SGPP2: variants seen among roughly 807,000 people sequenced by gnomAD.
SGPP2 encodes the protein sphingosine-1-phosphate phosphatase 2, also known as sphingosine 1-phosphate phosphohydrolase 2.
SGPP2 carries 30 observed loss-of-function variants against 33.9 expected under a neutral mutation model. The ratio of observed to expected loss-of-function variants is 0.89; its 90% CI spans 0.66 to 1.20. The LOEUF is 1.20. SGPP2 is among the 50% of genes most tolerant of loss of function. The pLI is 0.00. For missense variants in SGPP2, 458 were observed against 532.1 expected, an observed-to-expected ratio of 0.86 and a Z score of 1.37; for synonymous variants, 233 against 225.0, an observed-to-expected ratio of 1.04 and a Z score of -0.32.
chr2:222,462,910 A>T (rs1054862295), intron 1 of SGPP2, among the ~76,000 whole-genome samples: 1 of 152,164 alleles, frequency 6.6e-6, no homozygotes, highest in African/African-American at 2.4e-5. Flanking sequence ...GGGAAGGACC[A>T]TTGTTCCCAC....
At chr2:222,425,865 AT>A (rs1188426627) in intron 1 of SGPP2, among the ~76,000 whole-genome samples, 1 of 152,148 alleles carries the variant, frequency 6.6e-6, no homozygotes, top group Non-Finnish European at 1.5e-5. Flanking sequence ...ATGGAATATT[AT>A]AGGCATTGGA....
At chr2:222,446,252 A>G (rs888831827) in intron 1 of SGPP2, among the ~76,000 whole-genome samples, 7 of 152,198 alleles carry the variant, frequency 4.6e-5, no homozygotes, top group African/African-American at 7.2e-5. Context: ...TGGTGACTTC[A>G]GTCACCTTGG....
Position 222,465,423 on chromosome 2 carries a change from TAA to T in SGPP2, c.220-9134_220-9133del, listed in dbSNP as rs5741599. On this transcript the variant is annotated intron_variant, in intron 1 of 4. Coordinates refer to ENST00000321276, the MANE Select transcript of SGPP2 (RefSeq NM_152386.4). This position sits in a 1 kb window ranked among gnomAD's most constrained non-coding sequence, Gnocchi z 4.1. ...ATAGGTTGGAAAGTCTTGATTCTCTTAAAAAAAAAAAAGTGAGTAATTAAAAG... is the reference window on the plus strand; with the variant it reads ...ATAGGTTGGAAAGTCTTGATTCTCTTAAAAAAAAAAGTGAGTAATTAAAAG... 0.55 allele frequency among the ~76,000 whole-genome samples: 82,583 copies of T among 151,146 alleles called. 22,884 individuals carry two copies. The highest frequency in any genetic ancestry group is 0.65 in the African/African-American group (26,990 of 41,276).
At chr2:222,440,099 C>T (rs1217310154) in intron 1 of SGPP2, among the ~76,000 whole-genome samples, 3 of 152,190 alleles carry the variant, frequency 2.0e-5, no homozygotes, top group Non-Finnish European at 4.4e-5. Context: ...ACTTTTACTA[C>T]AGGCATTATT....
At chr2:222,501,118 A>G (rs1004705080) in intron 2 of SGPP2, among the ~76,000 whole-genome samples, 8 of 152,154 alleles carry the variant, frequency 5.3e-5, no homozygotes, top group African/African-American at 9.7e-5. Context: ...TTTCTCAACC[A>G]AAGACCCTTA....
intron 2 of SGPP2, 81 bp from the exon 3 acceptor site, chr2:222,521,686 C>G: frequency 2.1e-5 from 31 of 1,494,050 alleles, no homozygotes; most frequent in Non-Finnish European, 2.8e-5. Flanking sequence ...ACCTGAGAAC[C>G]CCAAAATATA....
intron 2 of SGPP2, among the ~76,000 whole-genome samples, chr2:222,498,790 G>A (rs899700581): frequency 2.0e-5 from 3 of 152,136 alleles, no homozygotes; most frequent in African/African-American, 7.2e-5. Context: ...GCCGTGTTAA[G>A]TGAGGTGGTC....
At chr2:222,473,535 G>A (rs903037523) in intron 1 of SGPP2, among the ~76,000 whole-genome samples, 11 of 152,092 alleles carry the variant, frequency 7.2e-5, no homozygotes, top group African/African-American at 2.7e-4. Flanking sequence ...GGAAGGAGAG[G>A]GGATGAAGAG....
At chr2:222,452,311 G>A (rs1177550839) in intron 1 of SGPP2, 17 of 606,510 alleles carry the variant, frequency 2.8e-5, no homozygotes, top group Non-Finnish European at 4.5e-5. Context: ...TTCCAAAAAA[G>A]AAAAATCCTA....
At chr2:222,522,353 T>C (rs1698698754) in intron 3 of SGPP2, among the ~76,000 whole-genome samples, 1 of 152,166 alleles carries the variant, frequency 6.6e-6, no homozygotes, top group Non-Finnish European at 1.5e-5. Flanking sequence ...ACCAAATCCC[T>C]CTGCCAGACT....
intron 2 of SGPP2, among the ~76,000 whole-genome samples, chr2:222,478,183 A>C: frequency 1.6e-5 from 1 of 61,026 alleles, no homozygotes; most frequent in African/African-American, 6.6e-5. Context: ...AGAGGGAGAG[A>C]GGGAGAGAGG....
intron 1 of SGPP2, among the ~76,000 whole-genome samples, chr2:222,427,466 CAG>C (rs1697088626): frequency 6.6e-6 from 1 of 152,068 alleles, no homozygotes; most frequent in African/African-American, 2.4e-5. Context: ...TTTGTAGAGA[CAG>C]GGTCTCACTA....
intron 1 of SGPP2, among the ~76,000 whole-genome samples, chr2:222,447,388 G>A (rs1697413537): frequency 6.6e-6 from 1 of 152,132 alleles, no homozygotes; most frequent in African/African-American, 2.4e-5. Context: ...CTGAGTTTGA[G>A]TTCTGCTAAC....
At chr2:222,514,791 A>G (rs1310143214) in intron 2 of SGPP2, among the ~76,000 whole-genome samples, 1 of 152,128 alleles carries the variant, frequency 6.6e-6, no homozygotes, top group East Asian at 1.9e-4. Flanking sequence ...TCCTCCCTCT[A>G]AATGCCAATA....
chr2:222,529,040 A>G (rs1195698222), intron 4 of SGPP2, among the ~76,000 whole-genome samples: 1 of 152,162 alleles, frequency 6.6e-6, no homozygotes, highest in Non-Finnish European at 1.5e-5. Flanking sequence ...ATGCCAAATC[A>G]TGTGATGATA....
intron 2 of SGPP2, among the ~76,000 whole-genome samples, chr2:222,501,931 A>G (rs1574864166): frequency 6.6e-6 from 1 of 152,284 alleles, no homozygotes; most frequent in East Asian, 1.9e-4. Context: ...TATGATTATC[A>G]TTTTTAAGAC....
intron 1 of SGPP2, among the ~76,000 whole-genome samples, chr2:222,470,811 C>A (rs947758500): frequency 2.6e-5 from 4 of 152,132 alleles, no homozygotes; most frequent in Non-Finnish European, 5.9e-5. Flanking sequence ...AATAACAAAC[C>A]TTTATGTGAA....
At chr2:222,468,462 C>T (rs1344255139) in intron 1 of SGPP2, among the ~76,000 whole-genome samples, 1 of 151,844 alleles carries the variant, frequency 6.6e-6, no homozygotes, top group Non-Finnish European at 1.5e-5. Context: ...GCAGTTGAGG[C>T]TGTTGAGGCT....
At chr2:222,545,653 C>A (rs985810150) in intron 4 of SGPP2, among the ~76,000 whole-genome samples, 2 of 152,022 alleles carry the variant, frequency 1.3e-5, no homozygotes, top group Non-Finnish European at 1.5e-5. Flanking sequence ...TATTGATTTG[C>A]AAGATTTCTC....
Sources: gnomAD v4.1 joint callset for allele counts (sites outside exome capture counted in the v4.1 genomes callset) on GRCh38, gnomAD v4.1.1 for gene constraint, Gnocchi (gnomAD v3.1) non-coding constraint, MANE v1.5 for transcripts, NCBI Gene and HGNC (gene_info 2026-07-23, HGNC 2026-07-21) for gene names.